The following SNTG1 variants were observed in gnomAD, a reference collection of about 807,000 sequenced individuals.
SNTG1 encodes gamma-1-syntrophin.
SNTG1 carries 39 observed loss-of-function variants against 74.7 expected under a neutral mutation model. The ratio of observed to expected loss-of-function variants is 0.52; its 90% confidence interval spans 0.40 to 0.68. SNTG1 has a LOEUF of 0.68. Among genes scored for constraint, SNTG1 ranks in the 30% least tolerant of loss-of-function variants. The pLI, the probability that SNTG1 is intolerant of heterozygous loss-of-function variation, is 0.00. For synonymous variants in SNTG1, 254 were observed against 217.1 expected, an observed-to-expected ratio of 1.17 and a Z score of -1.49; for missense variants, 685 against 609.5, an observed-to-expected ratio of 1.12 and a Z score of -1.30.
At chr8:50,772,211 G>C (rs748963658) in intron 18 of SNTG1, among the ~76,000 whole-genome samples, 47 of 152,162 alleles carry the variant, frequency 3.1e-4, no homozygotes, top group African/African-American at 1.1e-3. Context: ...CAATCTATGA[G>C]GGCAGACACA....
intron 13 of SNTG1, among the ~76,000 whole-genome samples, chr8:50,655,295 G>A (rs990150731): frequency 2.0e-5 from 3 of 151,902 alleles, no homozygotes; most frequent in Non-Finnish European, 2.9e-5. Context: ...TTTCTTTATG[G>A]GATGGTTATC....
intron 1 of SNTG1, among the ~76,000 whole-genome samples, chr8:49,980,333 C>T (rs961662257): frequency 6.6e-6 from 1 of 151,978 alleles, no homozygotes; most frequent in Non-Finnish European, 1.5e-5. Context: ...TGCTCCATCA[C>T]GCTGAAAATC....
intron 2 of SNTG1, among the ~76,000 whole-genome samples, chr8:50,388,385 G>T (rs928489214): frequency 4.6e-5 from 7 of 152,100 alleles, no homozygotes; most frequent in Non-Finnish European, 1.0e-4. Flanking sequence ...TTGCCTCTTT[G>T]TGCCATGGAC....
At chr8:50,623,841 G>A (rs1217900438) in intron 13 of SNTG1, among the ~76,000 whole-genome samples, 1 of 151,722 alleles carries the variant, frequency 6.6e-6, no homozygotes, top group African/African-American at 2.4e-5. Flanking sequence ...TATATCATAT[G>A]TAATTTTTGT....
intron 2 of SNTG1, among the ~76,000 whole-genome samples, chr8:50,195,839 A>G (rs1050945592): frequency 3.3e-5 from 5 of 152,076 alleles, no homozygotes; most frequent in African/African-American, 1.2e-4. Flanking sequence ...GGGTCCTCTC[A>G]GGGCTGTTGG....
rs374221190 is a variant in SNTG1, at chr8:49,973,012, G to C, written c.-103+60781G>C. Among the ~76,000 whole-genome samples the C allele has an allele frequency of 2.8e-4, 43 of 152,220 alleles. 1 individual carries two copies. Among genetic ancestry groups the C allele is most frequent in the East Asian group, 2.1e-3 (11 of 5,178 alleles). ...CATTTGACCCAGCCATCCCATTACT[G>C]GGTATATACCCAAAGGATTATAAAT... On this transcript the variant is annotated intron_variant, in intron 1 of 18. Coordinates refer to ENST00000642720, the MANE Select transcript of SNTG1 (RefSeq NM_018967.5).
At chr8:50,732,773 T>G (rs2095516037) in intron 17 of SNTG1, among the ~76,000 whole-genome samples, 1 of 152,010 alleles carries the variant, frequency 6.6e-6, no homozygotes, top group African/African-American at 2.4e-5. Context: ...TTCAGTGATC[T>G]TTACTAATAT....
chr8:50,454,827 G>A (rs2093489033), intron 8 of SNTG1, among the ~76,000 whole-genome samples: 1 of 23,920 alleles, frequency 4.2e-5, no homozygotes, highest in African/African-American at 6.6e-5. Context: ...GTCAGACAGA[G>A]CTAAAAAAAA....
intron 1 of SNTG1, among the ~76,000 whole-genome samples, chr8:50,159,772 G>C (rs1307123679): frequency 1.3e-5 from 2 of 152,052 alleles, no homozygotes; most frequent in Non-Finnish European, 2.9e-5. Flanking sequence ...GTGTTCACAG[G>C]CATCCTCTCA....
intron 1 of SNTG1, among the ~76,000 whole-genome samples, chr8:50,126,496 G>A: frequency 6.6e-6 from 1 of 151,746 alleles, no homozygotes. Context: ...CAAAAGTTTA[G>A]TATTGATGAA....
At chr8:50,280,335 T>A (rs1361937939) in intron 2 of SNTG1, among the ~76,000 whole-genome samples, 1 of 152,094 alleles carries the variant, frequency 6.6e-6, no homozygotes, top group Admixed American at 6.5e-5. Flanking sequence ...GTTGAAAAAA[T>A]TTCTAGATGT....
chr8:50,331,788 G>T (rs989828544), intron 2 of SNTG1, among the ~76,000 whole-genome samples: 7 of 152,246 alleles, frequency 4.6e-5, no homozygotes, highest in Middle Eastern at 3.4e-3. Flanking sequence ...GTGAGTGAGA[G>T]GGAAGATTTC....
intron 15 of SNTG1, among the ~76,000 whole-genome samples, chr8:50,687,682 T>C: frequency 6.6e-6 from 1 of 152,230 alleles, no homozygotes; most frequent in Non-Finnish European, 1.5e-5. Flanking sequence ...TAACTCGTCA[T>C]TAAGCATTAG....
At chr8:49,959,022 C>A (rs991079903) in intron 1 of SNTG1, among the ~76,000 whole-genome samples, 2 of 152,188 alleles carry the variant, frequency 1.3e-5, no homozygotes, top group Non-Finnish European at 1.5e-5. Flanking sequence ...ATTCTCCTTG[C>A]AATATACACG....
At chr8:50,524,167 C>T (rs2094202233) in intron 9 of SNTG1, among the ~76,000 whole-genome samples, 1 of 151,968 alleles carries the variant, frequency 6.6e-6, no homozygotes, top group African/African-American at 2.4e-5. Context: ...ATAGGTATTG[C>T]ATAGAACATA....
At chr8:50,183,814 A>T (rs1360532408) in intron 2 of SNTG1, among the ~76,000 whole-genome samples, 3 of 152,154 alleles carry the variant, frequency 2.0e-5, no homozygotes, top group East Asian at 1.9e-4. Context: ...TTTGCTATTT[A>T]TATCTATTTT....
At chr8:49,992,541 C>A (rs1406810173) in intron 1 of SNTG1, among the ~76,000 whole-genome samples, 2 of 152,072 alleles carry the variant, frequency 1.3e-5, no homozygotes, top group Non-Finnish European at 2.9e-5. Flanking sequence ...TGGGTATAAG[C>A]CTTAAGTGCA....
At chr8:50,113,339 G>A (rs1586330861) in intron 1 of SNTG1, among the ~76,000 whole-genome samples, 2 of 152,164 alleles carry the variant, frequency 1.3e-5, no homozygotes, top group East Asian at 3.9e-4. Context: ...TGGATTCCTA[G>A]GTATTTTATT....
At chr8:50,280,200 C>T (rs2088360470) in intron 2 of SNTG1, among the ~76,000 whole-genome samples, 1 of 152,104 alleles carries the variant, frequency 6.6e-6, no homozygotes, top group African/African-American at 2.4e-5. Context: ...TTTCACAGTC[C>T]AGGACATGAG....
Sources: allele counts gnomAD v4.1 joint callset (sites outside exome capture counted in the v4.1 genomes callset), GRCh38; gene constraint gnomAD v4.1.1; transcripts MANE v1.5; gene names NCBI Gene and HGNC (gene_info 2026-07-23, HGNC 2026-07-21).